Variants in COL4A5 observed in about 807,000 individuals in gnomAD.
The protein encoded by COL4A5 is collagen alpha-5(IV) chain.
A neutral mutation model predicts 130.2 loss-of-function variants in COL4A5; 26 were observed. The observed-to-expected ratio is 0.20, with a 90% CI of 0.15 to 0.28. The LOEUF (loss-of-function observed/expected upper bound fraction) is 0.28, where lower values mean the gene tolerates loss of function less well. Ranked by LOEUF, COL4A5 falls within the 10% of genes least tolerant of loss-of-function variation. The pLI is 1.00. For synonymous variants in COL4A5, 496 were observed against 439.6 expected (o/e 1.13, Z -1.60); for missense variants, 1,131 against 1,344.3 (o/e 0.84, Z 2.48).
chrX:108,650,327 A>G (rs1178351543), intron 36 of COL4A5, among the ~76,000 whole-genome samples: 2 of 111,585 alleles, frequency 1.8e-5, no homozygotes, highest in African/African-American at 3.3e-5. Flanking sequence ...TGCTGGTGGG[A>G]ATGTAAACTA....
intron 2 of COL4A5, among the ~76,000 whole-genome samples, chrX:108,544,825 G>C (rs1157679225): frequency 1.8e-5 from 2 of 111,179 alleles, no homozygotes; most frequent in Non-Finnish European, 3.8e-5. Context: ...ACTTCTTCCT[G>C]GTTTAGTCTT....
At chrX:108,458,729 C>T (rs1459608783) in intron 1 of COL4A5, among the ~76,000 whole-genome samples, 1 of 111,731 alleles carries the variant, frequency 9.0e-6, no homozygotes, top group East Asian at 2.8e-4. Context: ...GCCTGTAATC[C>T]GAGCACTTTG....
chrX:108,446,950 C>T (rs181474470), intron 1 of COL4A5, among the ~76,000 whole-genome samples: 30 of 111,327 alleles, frequency 2.7e-4, no homozygotes, highest in Admixed American at 1.9e-3. Context: ...ACAATATATC[C>T]TCCTACTTTT....
chrX:108,664,874 C>T (rs1341490092), intron 37 of COL4A5, among the ~76,000 whole-genome samples: 2 of 111,844 alleles, frequency 1.8e-5, no homozygotes, highest in African/African-American at 6.5e-5. Flanking sequence ...CTCCATATAC[C>T]CACCAGAATG....
intron 37 of COL4A5, 53 bp downstream of exon 37, chrX:108,655,510 C>A: frequency 8.5e-7 from 1 of 1,175,224 alleles, no homozygotes; most frequent in Non-Finnish European, 1.2e-6. Context: ...TCTACTCCAA[C>A]CAGTATCACA....
chrX:108,508,752 A>G (rs1200268370), intron 1 of COL4A5, among the ~76,000 whole-genome samples: 2 of 110,738 alleles, frequency 1.8e-5, no homozygotes, highest in Non-Finnish European at 3.8e-5. Flanking sequence ...CCCATAAATA[A>G]GGCTTCACTC....
At position 108,621,792 on chromosome X, in the gene COL4A5, A is replaced by G; in HGVS notation, c.2678-11A>G. ...AGAAAGGCAAACATTACTTATTGAT[A>G]TTCTTCAAAGGTACCAAAGGTGAAA... On this transcript the variant is annotated splice_polypyrimidine_tract_variant and intron_variant, in intron 31 of 52. Transcript: ENST00000328300. 1 of 1,177,870 alleles carries G rather than the reference A, an allele frequency of 8.5e-7. No homozygotes were observed. Among genetic ancestry groups the G allele is most frequent in the Non-Finnish European group, 1.2e-6 (1 of 865,179 alleles).
intron 2 of COL4A5, among the ~76,000 whole-genome samples, chrX:108,555,746 A>T (rs1310167708): frequency 8.9e-6 from 1 of 111,790 alleles, no homozygotes; most frequent in African/African-American, 3.2e-5. Flanking sequence ...CGCTTCCTGA[A>T]GATGGTAACA....
intron 19 of COL4A5, among the ~76,000 whole-genome samples, chrX:108,587,872 A>C (rs1418693764): frequency 9.0e-6 from 1 of 111,300 alleles, no homozygotes; most frequent in Non-Finnish European, 1.9e-5. Flanking sequence ...TTTAGTAGGC[A>C]AATCATCACA....
At chrX:108,649,220 A>G (rs2067671121) in intron 36 of COL4A5, among the ~76,000 whole-genome samples, 2 of 111,975 alleles carry the variant, frequency 1.8e-5, no homozygotes, top group African/African-American at 6.5e-5. Context: ...CCTCTCTACA[A>G]GGAAGACTAC....
intron 1 of COL4A5, among the ~76,000 whole-genome samples, chrX:108,469,338 TCTTG>T (rs993213708): frequency 9.2e-6 from 1 of 109,071 alleles, no homozygotes; most frequent in African/African-American, 3.3e-5. Flanking sequence ...AGAGATGGGG[TCTTG>T]CTTTGTTGCC....
intron 16 of COL4A5, chrX:108,582,527 T>C (rs2066267623): frequency 5.6e-6 from 1 of 178,110 alleles, no homozygotes; most frequent in Non-Finnish European, 1.0e-5. Context: ...CTGCTGGTTT[T>C]CACCTTGATT....
rs938803744 is a variant in COL4A5, at chrX:108,679,801, T to A, written c.3943-878T>A. On this transcript the variant is annotated intron_variant, in intron 44 of 52. Coordinates refer to ENST00000328300, the MANE Select transcript of COL4A5 (RefSeq NM_033380.3). ...GCATCATAGTGAGATCCTATCTCTA[T>A]AGAAAAGAAAGAAAAAACAAAGAAT... is the stretch of plus-strand genomic sequence containing the variant. Among the ~76,000 whole-genome samples the A allele has an allele frequency of 2.7e-5, 3 of 111,316 alleles. No homozygotes were observed. In the Admixed American group the frequency reaches 2.9e-4, roughly 11 times the overall value.
At chrX:108,473,069 TA>T (rs1259351009) in intron 1 of COL4A5, among the ~76,000 whole-genome samples, 2 of 112,278 alleles carry the variant, frequency 1.8e-5, no homozygotes, top group Admixed American at 1.9e-4. Flanking sequence ...CTTCTTTTGC[TA>T]AATGTCTATT....
intron 1 of COL4A5, among the ~76,000 whole-genome samples, chrX:108,473,613 G>GTATATATATATATATATATATATATA (rs1230922272): frequency 1.7e-4 from 8 of 46,090 alleles, no homozygotes; most frequent in African/African-American, 4.6e-4. Flanking sequence ...ATATATATAT[G>GTATATATATATATATATATATATATA]TATATATATA....
At chrX:108,490,687 G>T (rs191721218) in intron 1 of COL4A5, among the ~76,000 whole-genome samples, 323 of 110,858 alleles carry the variant, frequency 2.9e-3, no homozygotes, top group African/African-American at 0.01. Flanking sequence ...TACATGTGAA[G>T]GTTTGTTACA....
intron 1 of COL4A5, among the ~76,000 whole-genome samples, chrX:108,450,909 T>C (rs1349222674): frequency 1.8e-5 from 2 of 109,742 alleles, no homozygotes; most frequent in Admixed American, 1.9e-4. Flanking sequence ...TGCAGGTTAG[T>C]TACATACATG....
intron 1 of COL4A5, among the ~76,000 whole-genome samples, chrX:108,524,126 A>G (rs1185299149): frequency 8.9e-6 from 1 of 111,784 alleles, no homozygotes; most frequent in African/African-American, 3.3e-5. Flanking sequence ...TGTACCCACA[A>G]AAAATTAAAA....
At chrX:108,568,602 G>C in intron 4 of COL4A5, 27 bp from the exon 5 acceptor site, 1 of 1,084,236 alleles carries the variant, frequency 9.2e-7, no homozygotes, top group Non-Finnish European at 1.3e-6. Context: ...TTGTCATTTA[G>C]TTTAAGGATT....
Sources: gnomAD v4.1 joint callset for allele counts (sites outside exome capture counted in the v4.1 genomes callset) on GRCh38, gnomAD v4.1.1 for gene constraint, MANE v1.5 for transcripts, NCBI Gene and HGNC (gene_info 2026-07-23, HGNC 2026-07-21) for gene names.